The following NRXN3 variants were observed in gnomAD, a reference collection of about 807,000 sequenced individuals.
The protein encoded by NRXN3 is neurexin III.
A neutral mutation model predicts 137.6 loss-of-function variants in NRXN3; 32 were observed. The observed-to-expected ratio is 0.23, with a 90% CI of 0.18 to 0.31. NRXN3 has a LOEUF of 0.31. Ranked by LOEUF, NRXN3 falls within the 10% of genes least tolerant of loss-of-function variation. The probability of loss-of-function intolerance (pLI) is 1.00; values close to 1 mark genes in which losing one functional copy is unlikely to be tolerated. For synonymous variants in NRXN3, 798 were observed against 784.5 expected (o/e 1.02, Z -0.29); for missense variants, 1,574 against 2,062.5 (o/e 0.76, Z 4.59).
chr14:78,282,441 T>G (rs1276554054), intron 3 of NRXN3: 4 of 255,814 alleles, frequency 1.6e-5, no homozygotes, highest in Non-Finnish European at 3.2e-5. Flanking sequence ...GCCTCTCTCC[T>G]CCGAAGGGAT....
intron 15 of NRXN3, among the ~76,000 whole-genome samples, chr14:79,002,787 T>C (rs867464068): frequency 1.1e-4 from 16 of 152,122 alleles, no homozygotes; most frequent in South Asian, 6.2e-4. Context: ...CTTTGAGGAA[T>C]TGCCACACCG....
chr14:79,424,999 T>C (rs2095633628), intron 15 of NRXN3, among the ~76,000 whole-genome samples: 2 of 152,176 alleles, frequency 1.3e-5, no homozygotes. Flanking sequence ...ATAGCTTTCA[T>C]GGGAAAATGT....
intron 4 of NRXN3, among the ~76,000 whole-genome samples, chr14:78,358,033 G>T (rs981495145): frequency 6.6e-6 from 1 of 152,198 alleles, no homozygotes; most frequent in Non-Finnish European, 1.5e-5. Context: ...CAGGTGAGTT[G>T]AGGGGGTTGA....
chr14:79,397,382 G>T (rs1054598560), intron 15 of NRXN3, among the ~76,000 whole-genome samples: 6 of 152,158 alleles, frequency 3.9e-5, no homozygotes, highest in Non-Finnish European at 5.9e-5. Context: ...ATCTTTGTTG[G>T]TGCTAAATAC....
intron 4 of NRXN3, among the ~76,000 whole-genome samples, chr14:78,600,013 C>T (rs1412984693): frequency 1.3e-5 from 2 of 152,166 alleles, no homozygotes; most frequent in Admixed American, 1.3e-4. Context: ...TTGGCAGAAG[C>T]ACCACTATAA....
chr14:79,648,215 A>AAAC (rs36098453), intron 16 of NRXN3, among the ~76,000 whole-genome samples: 3 of 128,878 alleles, frequency 2.3e-5, no homozygotes, highest in African/African-American at 7.6e-5. Flanking sequence ...CAAACAAAAA[A>AAAC]CAGAAAACTT....
intron 16 of NRXN3, among the ~76,000 whole-genome samples, chr14:79,618,226 T>A (rs182475018): frequency 4.6e-5 from 7 of 152,158 alleles, no homozygotes; most frequent in Non-Finnish European, 7.4e-5. Flanking sequence ...GACTCCGGAG[T>A]ACATGTGCAG....
intron 4 of NRXN3, among the ~76,000 whole-genome samples, chr14:78,537,171 G>A (rs935165641): frequency 8.5e-5 from 13 of 152,186 alleles, no homozygotes; most frequent in African/African-American, 2.9e-4. Flanking sequence ...AGATCCTTGA[G>A]GAATTGCCAC....
intron 4 of NRXN3, among the ~76,000 whole-genome samples, chr14:78,606,991 C>G (rs947933294): frequency 6.6e-6 from 1 of 152,164 alleles, no homozygotes; most frequent in Non-Finnish European, 1.5e-5. Flanking sequence ...TCCTGTTCCC[C>G]ATCCTCCTAG....
chr14:79,118,699 C>G (rs73324748), intron 15 of NRXN3, among the ~76,000 whole-genome samples: 1 of 152,132 alleles, frequency 6.6e-6, no homozygotes, highest in Non-Finnish European at 1.5e-5. Context: ...TGGTTAGATA[C>G]AAGTGTAAGA....
chr14:78,385,726 T>C (rs2089876598), intron 4 of NRXN3, among the ~76,000 whole-genome samples: 1 of 152,210 alleles, frequency 6.6e-6, no homozygotes, highest in Admixed American at 6.5e-5. Flanking sequence ...AACTTACACA[T>C]CTAAGAATCC....
intron 19 of NRXN3, among the ~76,000 whole-genome samples, chr14:79,792,581 A>C (rs1270435346): frequency 6.6e-6 from 1 of 152,254 alleles, no homozygotes; most frequent in Non-Finnish European, 1.5e-5. Context: ...TTTTAAAAAA[A>C]GTCCCAGCAA....
intron 15 of NRXN3, among the ~76,000 whole-genome samples, chr14:79,350,227 A>C (rs1020898532): frequency 1.3e-5 from 2 of 152,224 alleles, no homozygotes; most frequent in Non-Finnish European, 2.9e-5. Context: ...GCTCTGATTG[A>C]GAGAATTGAT....
chr14:79,113,535 T>C (rs1195630431), intron 15 of NRXN3, among the ~76,000 whole-genome samples: 2 of 152,218 alleles, frequency 1.3e-5, no homozygotes, highest in African/African-American at 4.8e-5. Flanking sequence ...AATGCAAAGG[T>C]ATAAAATTAC....
At chr14:79,474,872 G>A (rs2096545957) in intron 16 of NRXN3, among the ~76,000 whole-genome samples, 1 of 152,018 alleles carries the variant, frequency 6.6e-6, no homozygotes, top group Non-Finnish European at 1.5e-5. Context: ...AAATAAAAGA[G>A]CAAGAAGAAG....
chr14:79,473,272 A>T (rs549060190), intron 16 of NRXN3, among the ~76,000 whole-genome samples: 1 of 152,178 alleles, frequency 6.6e-6, no homozygotes, highest in East Asian at 1.9e-4. Context: ...ATATTTGGGG[A>T]AACTGGATAT....
intron 15 of NRXN3, among the ~76,000 whole-genome samples, chr14:79,380,299 A>G (rs1288469136): frequency 6.6e-6 from 1 of 151,618 alleles, no homozygotes; most frequent in Non-Finnish European, 1.5e-5. Flanking sequence ...TGCACCCATT[A>G]ACTCGTCATT....
At chr14:78,951,962 C>T (rs1216114458) in intron 10 of NRXN3, among the ~76,000 whole-genome samples, 1 of 152,100 alleles carries the variant, frequency 6.6e-6, no homozygotes, top group Non-Finnish European at 1.5e-5. Flanking sequence ...TTATTAAATC[C>T]TGATAAATAT....
At chr14:79,349,721 C>A (rs957168930) in intron 15 of NRXN3, among the ~76,000 whole-genome samples, 1 of 152,104 alleles carries the variant, frequency 6.6e-6, no homozygotes, top group Admixed American at 6.5e-5. Flanking sequence ...ACAGTCTTAA[C>A]AGAGGTAATC....
Sources: allele counts gnomAD v4.1 joint callset (sites outside exome capture counted in the v4.1 genomes callset), GRCh38; gene constraint gnomAD v4.1.1; transcripts MANE v1.5; gene names NCBI Gene and HGNC (gene_info 2026-07-23, HGNC 2026-07-21).